The following SGCZ variants were observed in gnomAD, a reference collection of about 807,000 sequenced individuals.
The protein encoded by SGCZ is zeta-sarcoglycan.
SGCZ carries 40 observed loss-of-function variants against 41.3 expected under a neutral mutation model. That is an observed-to-expected ratio of 0.97 (90% confidence interval 0.75 to 1.26). The LOEUF is 1.26. Among genes scored for constraint, SGCZ ranks in the 50% most tolerant of loss-of-function variants. SGCZ has a pLI of 0.00. For missense variants in SGCZ, 552 were observed against 369.8 expected (o/e 1.49, Z -4.04); for synonymous variants, 206 against 137.5 (o/e 1.50, Z -3.49).
At chr8:14,739,089 T>C (rs2130271420) in intron 1 of SGCZ, among the ~76,000 whole-genome samples, 1 of 152,174 alleles carries the variant, frequency 6.6e-6, no homozygotes, top group African/African-American at 2.4e-5. Context: ...TTAATACCTA[T>C]ATGTTGTTAA....
intron 1 of SGCZ, among the ~76,000 whole-genome samples, chr8:14,972,187 T>C (rs1162442138): frequency 6.6e-6 from 1 of 152,168 alleles, no homozygotes; most frequent in Non-Finnish European, 1.5e-5. Context: ...AAATTTCATA[T>C]TAGTAATTTA....
At chr8:14,931,631 G>A (rs757367887) in intron 1 of SGCZ, among the ~76,000 whole-genome samples, 1 of 151,898 alleles carries the variant, frequency 6.6e-6, no homozygotes, top group East Asian at 1.9e-4. Flanking sequence ...ATAATTTTCA[G>A]ATATTATACT....
chr8:14,594,896 C>G (rs982300183), intron 1 of SGCZ, among the ~76,000 whole-genome samples: 3 of 151,832 alleles, frequency 2.0e-5, no homozygotes, highest in Admixed American at 6.6e-5. Flanking sequence ...TACAGAGACA[C>G]TGTTATATTG....
intron 1 of SGCZ, among the ~76,000 whole-genome samples, chr8:14,660,165 T>C (rs1278531785): frequency 6.6e-6 from 1 of 152,074 alleles, no homozygotes. Context: ...GAATACAATA[T>C]TGCATGTCCT....
chr8:14,131,359 A>C (rs1803035175), intron 5 of SGCZ, among the ~76,000 whole-genome samples: 1 of 152,170 alleles, frequency 6.6e-6, no homozygotes, highest in Non-Finnish European at 1.5e-5. Context: ...CCAGAAATGC[A>C]GTTTGTTATT....
rs148688511 is a variant in SGCZ at position 14,202,243 on chromosome 8, C to T, written c.424+35349G>A. ...TGACTTTGAAGATGAAAGACAGTCA[C>T]GGGCCAAGGGGTAAAGATAACCTCT... On this transcript the variant is annotated intron_variant, in intron 4 of 7. Transcript: ENST00000382080. Among the ~76,000 whole-genome samples, 415 of 152,184 alleles carry T rather than the reference C, an allele frequency of 2.7e-3. 1 individual carries two copies. Among genetic ancestry groups the T allele is most frequent in the African/African-American group, 9.4e-3 (390 of 41,518 alleles).
At chr8:14,675,443 A>G (rs1808244347) in intron 1 of SGCZ, among the ~76,000 whole-genome samples, 2 of 152,314 alleles carry the variant, frequency 1.3e-5, no homozygotes, top group East Asian at 3.9e-4. Context: ...AAAATATTAT[A>G]TAATAGAAGC....
In SGCZ at chr8:14,200,092, G is replaced by C. The variant is rs76535086; in HGVS notation, c.425-35390C>G. On this transcript the variant is annotated intron_variant, in intron 4 of 7. Coordinates refer to ENST00000382080, the MANE Select transcript of SGCZ (RefSeq NM_139167.4). ...ATGGTTTCTGACATCTCCTGGCAGTGTTGGAATATATCCCCTGTGGATAAT... is the reference window on the plus strand; with the variant it reads ...ATGGTTTCTGACATCTCCTGGCAGTCTTGGAATATATCCCCTGTGGATAAT... Among the ~76,000 whole-genome samples the C allele has an allele frequency of 3.0e-3, 457 of 152,250 alleles. 2 individuals carry two copies. The highest frequency in any genetic ancestry group is 9.6e-3 in the African/African-American group (399 of 41,548).
chr8:14,527,101 A>G (rs1020478520), intron 2 of SGCZ, among the ~76,000 whole-genome samples: 1 of 152,164 alleles, frequency 6.6e-6, no homozygotes. Flanking sequence ...CACATGTGAC[A>G]TGAAGTTAAG....
chr8:14,990,365 G>T (rs570484904), intron 1 of SGCZ, among the ~76,000 whole-genome samples: 10 of 147,586 alleles, frequency 6.8e-5, no homozygotes, highest in African/African-American at 1.7e-4. Context: ...TAGGAACCAG[G>T]CCGCATAGGA....
intron 1 of SGCZ, among the ~76,000 whole-genome samples, chr8:14,709,795 T>A (rs1054595748): frequency 6.6e-6 from 1 of 152,328 alleles, no homozygotes; most frequent in East Asian, 1.9e-4. Context: ...TATATTTAAA[T>A]GTAACTAACA....
At chr8:14,937,397 G>T (rs985401767) in intron 1 of SGCZ, among the ~76,000 whole-genome samples, 2 of 152,108 alleles carry the variant, frequency 1.3e-5, no homozygotes, top group African/African-American at 4.8e-5. Context: ...TTCCCAAAAA[G>T]CACAGATCCA....
chr8:15,168,796 G>A (rs979002817), intron 1 of SGCZ, among the ~76,000 whole-genome samples: 4 of 152,102 alleles, frequency 2.6e-5, no homozygotes, highest in African/African-American at 4.8e-5. Flanking sequence ...CATATGACGG[G>A]ACCCTCCCCT....
At chr8:14,646,907 A>ACTTTTTTTTG (rs1807239715) in intron 1 of SGCZ, among the ~76,000 whole-genome samples, 4 of 151,976 alleles carry the variant, frequency 2.6e-5, no homozygotes, top group African/African-American at 9.7e-5. Context: ...TTTCAAAAAT[A>ACTTTTTTTTG]AAGAAGACTT....
At chr8:14,949,729 A>G (rs894605838) in intron 1 of SGCZ, among the ~76,000 whole-genome samples, 3 of 152,134 alleles carry the variant, frequency 2.0e-5, no homozygotes, top group Non-Finnish European at 4.4e-5. Context: ...ATGTTTTAAC[A>G]ATATGTGCTA....
intron 1 of SGCZ, among the ~76,000 whole-genome samples, chr8:14,903,901 G>T (rs73517334): frequency 0.013 from 1,929 of 151,976 alleles, 44 homozygotes; most frequent in African/African-American, 0.043. Flanking sequence ...ATTAACCTTA[G>T]GAAAGCTTTA....
At chr8:14,903,346 T>A (rs909066717) in intron 1 of SGCZ, among the ~76,000 whole-genome samples, 1 of 152,220 alleles carries the variant, frequency 6.6e-6, no homozygotes, top group South Asian at 2.1e-4. Context: ...TCCTCACCAC[T>A]AACTGCTGAC....
At chr8:14,635,654 C>A (rs554839345) in intron 1 of SGCZ, among the ~76,000 whole-genome samples, 3 of 151,496 alleles carry the variant, frequency 2.0e-5, no homozygotes, top group Admixed American at 6.6e-5. Flanking sequence ...TCAGTTTGTC[C>A]AACATATTCA....
chr8:15,142,099 T>A (rs1346077946), intron 1 of SGCZ, among the ~76,000 whole-genome samples: 1 of 152,052 alleles, frequency 6.6e-6, no homozygotes, highest in Non-Finnish European at 1.5e-5. Context: ...GATGCTGAAG[T>A]TGGAGTTGAG....
Sources: allele counts gnomAD v4.1 joint callset (sites outside exome capture counted in the v4.1 genomes callset), GRCh38; gene constraint gnomAD v4.1.1; transcripts MANE v1.5; gene names NCBI Gene and HGNC (gene_info 2026-07-23, HGNC 2026-07-21).